The following SPAG16 variants were observed in gnomAD, a reference collection of about 807,000 sequenced individuals.
SPAG16 encodes sperm-associated antigen 16 protein.
Under a neutral mutation model 80.4 loss-of-function variants are expected in SPAG16, and 86 were observed. The ratio of observed to expected loss-of-function variants is 1.07; its 90% CI spans 0.90 to 1.28. The LOEUF (loss-of-function observed/expected upper bound fraction) is 1.28, where lower values mean the gene tolerates loss of function less well. Ranked by LOEUF, SPAG16 falls within the 50% of genes most tolerant of loss-of-function variation. SPAG16 has a pLI of 0.00. For synonymous variants in SPAG16, 294 were observed against 265.9 expected, an observed-to-expected ratio of 1.11 and a Z score of -1.03; for missense variants, 870 against 765.3, an observed-to-expected ratio of 1.14 and a Z score of -1.61.
intron 11 of SPAG16, among the ~76,000 whole-genome samples, chr2:213,868,227 AT>A (rs946769436): frequency 2.8e-4 from 38 of 134,782 alleles, no homozygotes; most frequent in East Asian, 4.6e-4. Context: ...AACTCATCCT[AT>A]TTTTTTTTAT....
intron 15 of SPAG16, among the ~76,000 whole-genome samples, chr2:214,324,966 C>T (rs1351878167): frequency 6.6e-6 from 1 of 152,134 alleles, no homozygotes. Context: ...CATCTGCTAC[C>T]ATTTTATGCA....
chr2:214,048,530 G>GAGT (rs2049463474), intron 13 of SPAG16, among the ~76,000 whole-genome samples: 3 of 151,926 alleles, frequency 2.0e-5, no homozygotes, highest in Admixed American at 1.3e-4. Context: ...TGGAGATAGA[G>GAGT]AGTAGGATGA....
Position 214,355,563 on chromosome 2 carries a change from A to G in SPAG16, c.1721-54577A>G, listed in dbSNP as rs963681564. Among the ~76,000 whole-genome samples the G allele has an allele frequency of 2.3e-5, 3 of 128,826 alleles. 1 individual carries two copies. The highest frequency in any genetic ancestry group is 7.9e-5 in the African/African-American group (3 of 38,020). 84.5% of individuals were successfully genotyped at this position (128,826 alleles called of 152,430 possible). A position where few individuals can be genotyped will look rare whatever the true frequency, so the allele number is the denominator to read the frequency against. On this transcript the variant is annotated intron_variant, in intron 15 of 15. Coordinates refer to ENST00000331683, the MANE Select transcript of SPAG16 (RefSeq NM_024532.5). ...GATGTGGAGAAATAGGAACACTTGT[A>G]TACTGTTGGTGGGACTGTAAACTAG...
rs367655232 is a variant in SPAG16, at chr2:213,439,958, G to C, written c.943-50005G>C. On this transcript the variant is annotated intron_variant, in intron 9 of 15. Transcript: ENST00000331683. ...GTATACAATACCTCTTTAGAAAAGT[G>C]TATACATTTTTGTTTAGAGGACATA... 5.9e-5 allele frequency among the ~76,000 whole-genome samples: 9 copies of C among 152,274 alleles called. No individual in the cohort carries two copies. The South Asian group carries it at 1.2e-3, about 21-fold the overall frequency.
chr2:213,626,408 C>A (rs1559322098), intron 10 of SPAG16, among the ~76,000 whole-genome samples: 1 of 151,828 alleles, frequency 6.6e-6, no homozygotes, highest in African/African-American at 2.4e-5. Context: ...AGTAATGAAA[C>A]AATAAAGAAA....
At chr2:214,400,028 T>C (rs1275826869) in intron 15 of SPAG16, among the ~76,000 whole-genome samples, 1 of 152,074 alleles carries the variant, frequency 6.6e-6, no homozygotes, top group Non-Finnish European at 1.5e-5. Flanking sequence ...ATAGATTCAA[T>C]AATTAATTAG....
intron 10 of SPAG16, among the ~76,000 whole-genome samples, chr2:213,519,790 G>A (rs1162587347): frequency 4.6e-5 from 7 of 151,952 alleles, no homozygotes; most frequent in Admixed American, 2.6e-4. Flanking sequence ...AAGCACACAT[G>A]TTTTCATAGT....
chr2:213,833,455 T>TATATATATTATATATAAA (rs1559505541), intron 10 of SPAG16, among the ~76,000 whole-genome samples: 3 of 2,158 alleles, frequency 1.4e-3, no homozygotes, highest in East Asian at 0.053. Flanking sequence ...ATATATATAT[T>TATATATATTATATATAAA]ATATATATAT....
intron 9 of SPAG16, among the ~76,000 whole-genome samples, chr2:213,430,492 T>C (rs2070224991): frequency 6.6e-6 from 1 of 152,274 alleles, no homozygotes; most frequent in East Asian, 1.9e-4. Context: ...TCATCAGCTA[T>C]TGTTATTGTT....
chr2:213,417,453 T>G (rs2069325741), intron 9 of SPAG16, among the ~76,000 whole-genome samples: 1 of 152,180 alleles, frequency 6.6e-6, no homozygotes, highest in Admixed American at 6.5e-5. Context: ...CTAGACCTGT[T>G]TTTCTCCTTT....
At chr2:214,395,205 C>T (rs1018839341) in intron 15 of SPAG16, among the ~76,000 whole-genome samples, 8 of 152,178 alleles carry the variant, frequency 5.3e-5, no homozygotes, top group African/African-American at 1.9e-4. Flanking sequence ...TAAGTTTCCA[C>T]CTCTTTGGGT....
intron 13 of SPAG16, among the ~76,000 whole-genome samples, chr2:214,022,207 G>A (rs2125009722): frequency 6.6e-6 from 1 of 151,738 alleles, no homozygotes; most frequent in South Asian, 2.1e-4. Context: ...ATGGCTTCAG[G>A]AATGGGCTAC....
At chr2:213,464,208 C>T (rs1345358363) in intron 9 of SPAG16, among the ~76,000 whole-genome samples, 1 of 152,212 alleles carries the variant, frequency 6.6e-6, no homozygotes, top group African/African-American at 2.4e-5. Flanking sequence ...GTCCTTACGT[C>T]ATTTCAAAGG....
rs145344228 is a variant in SPAG16, at chr2:213,820,944, T to C, written c.1071-41541T>C. On this transcript the variant is annotated intron_variant, in intron 10 of 15. Transcript: ENST00000331683. ...ATTGGGCAAGGATCTGGGCATAAAATGCTCCAAAAATATAAACAACTATAA... is the reference window on the plus strand; with the variant it reads ...ATTGGGCAAGGATCTGGGCATAAAACGCTCCAAAAATATAAACAACTATAA... 8.9e-3 allele frequency among the ~76,000 whole-genome samples: 1,357 copies of C among 152,242 alleles called. 25 individuals are homozygous for C. The highest frequency in any genetic ancestry group is 0.03 in the African/African-American group (1,234 of 41,580).
intron 11 of SPAG16, among the ~76,000 whole-genome samples, chr2:213,907,210 G>A (rs968997807): frequency 2.1e-4 from 32 of 152,172 alleles, no homozygotes; most frequent in African/African-American, 7.5e-4. Flanking sequence ...CCATTAAAAA[G>A]TGGGCAAAGA....
intron 10 of SPAG16, among the ~76,000 whole-genome samples, chr2:213,549,293 AAT>A (rs1395525944): frequency 6.6e-6 from 1 of 152,084 alleles, no homozygotes; most frequent in Admixed American, 6.5e-5. Context: ...TTTTCTCTAA[AAT>A]ATTAAATTAC....
chr2:213,562,512 C>CT (rs1194851155), intron 10 of SPAG16, among the ~76,000 whole-genome samples: 8 of 152,066 alleles, frequency 5.3e-5, no homozygotes, highest in South Asian at 4.1e-4. Context: ...ACAACTGAAA[C>CT]TTTTTTTTCT....
At chr2:213,953,551 A>ACATCACGTGACACATT (rs1164840392) in intron 12 of SPAG16, among the ~76,000 whole-genome samples, 9 of 151,876 alleles carry the variant, frequency 5.9e-5, no homozygotes, top group Admixed American at 2.0e-4. Context: ...CGTGACACAT[A>ACATCACGTGACACATT]CATCATGGTG....
At chr2:213,741,059 G>A (rs1034359150) in intron 10 of SPAG16, among the ~76,000 whole-genome samples, 16 of 152,142 alleles carry the variant, frequency 1.1e-4, no homozygotes, top group African/African-American at 3.4e-4. Context: ...TTAATTTAAC[G>A]CCTCATAACT....
Sources: gnomAD v4.1 joint callset for allele counts (sites outside exome capture counted in the v4.1 genomes callset) on GRCh38, gnomAD v4.1.1 for gene constraint, MANE v1.5 for transcripts, NCBI Gene and HGNC (gene_info 2026-07-23, HGNC 2026-07-21) for gene names.